The following TSHZ2 variants were observed in gnomAD, a reference collection of about 807,000 sequenced individuals.
TSHZ2 encodes teashirt zinc finger homeobox 2, also known as teashirt homolog 2.
In TSHZ2, 21 loss-of-function variants were observed where a neutral mutation model predicts 74.4. The observed-to-expected ratio is 0.28, with a 90% confidence interval of 0.20 to 0.41. The LOEUF is 0.41. Among genes scored for constraint, TSHZ2 ranks in the 10% least tolerant of loss-of-function variants. TSHZ2 has a pLI of 1.00. For synonymous variants in TSHZ2, 540 were observed against 515.3 expected, an observed-to-expected ratio of 1.05 and a Z score of -0.65; for missense variants, 1,244 against 1,293.5, an observed-to-expected ratio of 0.96 and a Z score of 0.59.
chr20:53,417,241 G>GACACACACACACACAC (rs56822266), intron 2 of TSHZ2, among the ~76,000 whole-genome samples: 5 of 138,048 alleles, frequency 3.6e-5, no homozygotes, highest in East Asian at 2.1e-4. Flanking sequence ...GACACACACA[G>GACACACACACACACAC]ACACACACAC....
intron 1 of TSHZ2, among the ~76,000 whole-genome samples, chr20:53,195,638 T>C (rs997582631): frequency 6.6e-6 from 1 of 152,214 alleles, no homozygotes; most frequent in Non-Finnish European, 1.5e-5. Context: ...ACAGTGACCC[T>C]GACGGGTCCC....
At position 53,094,722 on chromosome 20, in the gene TSHZ2, A is replaced by G. The variant is rs776003178; in HGVS notation, c.40+121389A>G. Among the ~76,000 whole-genome samples the G allele has an allele frequency of 3.0e-4, 46 of 152,318 alleles. 1 individual carries two copies. The highest frequency in any genetic ancestry group is 8.3e-4 in the South Asian group (4 of 4,824). ...GTGTCAAAAATGCTACTATGCCCCC[A>G]GAACACCTAGACTCTTCACAAGATA... On this transcript the variant is annotated intron_variant, in intron 1 of 2. Coordinates refer to ENST00000371497, the MANE Select transcript of TSHZ2 (RefSeq NM_173485.6).
At chr20:53,243,219 A>T (rs1269259562) in intron 1 of TSHZ2, among the ~76,000 whole-genome samples, 2 of 152,132 alleles carry the variant, frequency 1.3e-5, no homozygotes, top group Non-Finnish European at 2.9e-5. Flanking sequence ...GGCCTTAAAG[A>T]AGGAAAGAAT....
chr20:53,433,264 C>T (rs1298102797), intron 2 of TSHZ2, among the ~76,000 whole-genome samples: 2 of 152,234 alleles, frequency 1.3e-5, no homozygotes, highest in South Asian at 4.2e-4. Context: ...CATTTTGAGG[C>T]ACTAAGGAAG....
At chr20:53,066,864 G>T (rs910998424) in intron 1 of TSHZ2, among the ~76,000 whole-genome samples, 3 of 152,162 alleles carry the variant, frequency 2.0e-5, no homozygotes, top group African/African-American at 7.2e-5. Context: ...AAGGCTCCTT[G>T]TTCAGCTTTC....
intron 2 of TSHZ2, among the ~76,000 whole-genome samples, chr20:53,284,044 G>T (rs1219776767): frequency 6.6e-6 from 1 of 152,202 alleles, no homozygotes. Context: ...AATTCCCAGG[G>T]CTCTTTGTCA....
chr20:53,263,266 C>T (rs1990638053), intron 2 of TSHZ2, among the ~76,000 whole-genome samples: 2 of 152,204 alleles, frequency 1.3e-5, no homozygotes, highest in African/African-American at 2.4e-5. Flanking sequence ...CATCTCCCAC[C>T]TACCCACACT....
At chr20:53,018,309 G>A (rs564815623) in intron 1 of TSHZ2, among the ~76,000 whole-genome samples, 4 of 152,250 alleles carry the variant, frequency 2.6e-5, no homozygotes, top group East Asian at 3.9e-4. Flanking sequence ...CAATCACTGG[G>A]AATAGACCAC....
chr20:53,286,125 G>T (rs1283535897), intron 2 of TSHZ2, among the ~76,000 whole-genome samples: 2 of 152,176 alleles, frequency 1.3e-5, no homozygotes, highest in Non-Finnish European at 1.5e-5. Flanking sequence ...ATGCCAAAAG[G>T]TTATGTGTTT....
intron 2 of TSHZ2, among the ~76,000 whole-genome samples, chr20:53,368,360 T>C (rs1054295854): frequency 3.3e-5 from 5 of 152,028 alleles, no homozygotes; most frequent in African/African-American, 1.2e-4. Flanking sequence ...CCCAGGCTGG[T>C]GTGCAGTGGT....
chr20:53,447,117 G>A (rs1984583075), intron 2 of TSHZ2, among the ~76,000 whole-genome samples: 1 of 152,166 alleles, frequency 6.6e-6, no homozygotes, highest in Non-Finnish European at 1.5e-5. Flanking sequence ...ATAGATCAGA[G>A]ACTGCTGCAT....
chr20:53,343,609 G>A (rs2145573642), intron 2 of TSHZ2, among the ~76,000 whole-genome samples: 1 of 152,308 alleles, frequency 6.6e-6, no homozygotes, highest in South Asian at 2.1e-4. Flanking sequence ...GTGCTACCAT[G>A]AGCTTTATGC....
chr20:53,461,974 G>A (rs941301037), intron 2 of TSHZ2, among the ~76,000 whole-genome samples: 2 of 152,128 alleles, frequency 1.3e-5, no homozygotes, highest in Admixed American at 6.5e-5. Context: ...GCTCATGCCT[G>A]TAATCCCAAC....
intron 2 of TSHZ2, among the ~76,000 whole-genome samples, chr20:53,345,322 A>T (rs1304415186): frequency 6.6e-6 from 1 of 151,860 alleles, no homozygotes; most frequent in Non-Finnish European, 1.5e-5. Context: ...CACCCCCACC[A>T]TTGCCTGTTA....
rs2145423649 is a variant in TSHZ2 at position 53,274,680 on chromosome 20, T to C, written c.*8+18109T>C. On this transcript the variant is annotated intron_variant, in intron 2 of 2. Transcript: ENST00000371497. ...TGGAGCAGACCAGGGAACAAGGACT[T>C]GGTCACAAGGCCATGGATGGTTGAA... Among the ~76,000 whole-genome samples, 2 of 152,344 alleles carry C rather than the reference T, an allele frequency of 1.3e-5. 1 individual carries two copies. The highest frequency in any genetic ancestry group is 6.8e-3 in the Middle Eastern group (2 of 294).
At chr20:53,203,340 A>ACC (rs1443358988) in intron 1 of TSHZ2, among the ~76,000 whole-genome samples, 1 of 151,824 alleles carries the variant, frequency 6.6e-6, no homozygotes, top group Non-Finnish European at 1.5e-5. Flanking sequence ...GATTATAGGC[A>ACC]CCCACCACCA....
At chr20:53,179,840 A>G (rs1988428610) in intron 1 of TSHZ2, among the ~76,000 whole-genome samples, 2 of 152,194 alleles carry the variant, frequency 1.3e-5, no homozygotes, top group Admixed American at 6.5e-5. Context: ...TCGTCAAGGT[A>G]ACGATAAGAG....
intron 1 of TSHZ2, among the ~76,000 whole-genome samples, chr20:53,090,493 A>G (rs1985849683): frequency 6.6e-6 from 1 of 152,202 alleles, no homozygotes; most frequent in South Asian, 2.1e-4. Flanking sequence ...AAGCCATGAG[A>G]CAGAGTGAGG....
At chr20:53,168,880 G>T (rs1242395639) in intron 1 of TSHZ2, 2 of 152,128 alleles carry the variant, frequency 1.3e-5, no homozygotes, top group Non-Finnish European at 2.9e-5. Flanking sequence ...AATAGGATTT[G>T]GCAAACAGGT....
Sources: allele counts gnomAD v4.1 joint callset (sites outside exome capture counted in the v4.1 genomes callset), GRCh38; gene constraint gnomAD v4.1.1; transcripts MANE v1.5; gene names NCBI Gene and HGNC (gene_info 2026-07-23, HGNC 2026-07-21).